The following NCAPG2 variants were observed in gnomAD, a reference collection of about 807,000 sequenced individuals.
The protein encoded by NCAPG2 is condensin-2 complex subunit G2.
Under a neutral mutation model 141.1 loss-of-function variants are expected in NCAPG2, and 53 were observed. That is an observed-to-expected ratio of 0.38 (90% CI 0.30 to 0.47). NCAPG2 has a LOEUF of 0.47. Ranked by LOEUF, NCAPG2 falls within the 20% of genes least tolerant of loss-of-function variation. NCAPG2 has a pLI of 0.99. For synonymous variants in NCAPG2, 499 were observed against 490.7 expected (o/e 1.02, Z -0.22); for missense variants, 1,087 against 1,389.0 (o/e 0.78, Z 3.46).
At chr7:158,641,024 G>C (rs999607249) in intron 27 of NCAPG2, 1 of 151,936 alleles carries the variant, frequency 6.6e-6, no homozygotes, top group African/African-American at 2.4e-5. Context: ...GAAAGCAAAC[G>C]TGGATTAGTT....
chr7:158,654,559 T>G, intron 22 of NCAPG2, 36 bp downstream of exon 22: 2 of 1,595,914 alleles, frequency 1.3e-6, no homozygotes, highest in Non-Finnish European at 1.7e-6. Context: ...GGACTGGTTC[T>G]GAGTATTTAT....
chr7:158,665,123 A>G (rs1038895865), intron 13 of NCAPG2: 2 of 187,566 alleles, frequency 1.1e-5, no homozygotes, highest in Non-Finnish European at 2.2e-5. Flanking sequence ...GAGTAAAAAT[A>G]TATACAACGT....
chr7:158,639,821 T>C, intron 27 of NCAPG2: 1 of 970,154 alleles, frequency 1.0e-6, no homozygotes, highest in Non-Finnish European at 1.2e-6. Context: ...AACCATTTAA[T>C]CTTATTTCAA....
intron 9 of NCAPG2, 31 bp downstream of exon 9, chr7:158,683,269 T>G (rs775578786): frequency 1.4e-6 from 2 of 1,431,396 alleles, no homozygotes; most frequent in African/African-American, 1.5e-5. Flanking sequence ...GAGGAAACAT[T>G]ATTTCAAAAA....
At chr7:158,664,400 A>T in intron 14 of NCAPG2, 104 bp from the exon 15 acceptor site, 1 of 1,501,292 alleles carries the variant, frequency 6.7e-7, no homozygotes, top group Non-Finnish European at 9.2e-7. Flanking sequence ...GTACTATTTT[A>T]AGGGAAATCA....
At chr7:158,666,160 G>C (rs556617866) in intron 13 of NCAPG2, among the ~76,000 whole-genome samples, 2 of 152,314 alleles carry the variant, frequency 1.3e-5, no homozygotes, top group African/African-American at 4.8e-5. Context: ...AAGGGTGAGA[G>C]GCTGTGCTGT....
intron 2 of NCAPG2, among the ~76,000 whole-genome samples, chr7:158,699,030 T>C (rs780119553): frequency 3.3e-5 from 5 of 152,122 alleles, no homozygotes; most frequent in Non-Finnish European, 7.4e-5. Flanking sequence ...ACGATCCTCC[T>C]GCCTCAGCCT....
In NCAPG2 at chr7:158,656,269, T is replaced by G. The variant is rs1297500865; in HGVS notation, c.2379A>C (p.Glu793Asp). 1 of 1,613,950 alleles carries G rather than the reference T, an allele frequency of 6.2e-7. No homozygotes were observed. Among genetic ancestry groups the G allele is most frequent in the Non-Finnish European group, 8.5e-7 (1 of 1,179,990 alleles). Residue 793 changes from glutamate to aspartate, a missense_variant, in exon 19 of 28, where the codon GAA becomes GAC. Glu to Asp is a conservative substitution (Grantham distance 45). Transcript: ENST00000356309. ...CAGGGCACAGAGTTACCTTTGACGT[T>G]TCAAGGGCTTTCAAAAGATGGTTAA... The part of the protein sequence containing the change: ...KKLNHLLKAL[E>D]TSKADLESLL...
At chr7:158,698,920 G>A (rs544320904) in intron 2 of NCAPG2, among the ~76,000 whole-genome samples, 2 of 151,914 alleles carry the variant, frequency 1.3e-5, no homozygotes, top group East Asian at 3.9e-4. Context: ...CAAGTAGTTG[G>A]GACCACAGGC....
intron 6 of NCAPG2, among the ~76,000 whole-genome samples, chr7:158,688,208 T>C (rs1834896927): frequency 1.3e-5 from 2 of 151,694 alleles, no homozygotes; most frequent in African/African-American, 2.4e-5. Context: ...TCACTGGAAG[T>C]AATCTGTTAG....
chr7:158,666,453 G>C (rs527591565), intron 13 of NCAPG2, among the ~76,000 whole-genome samples: 2 of 151,992 alleles, frequency 1.3e-5, no homozygotes, highest in African/African-American at 4.8e-5. Flanking sequence ...ACTATTTACT[G>C]TATTTTTGAA....
intron 12 of NCAPG2, among the ~76,000 whole-genome samples, chr7:158,674,287 AATTTTTTT>A (rs1305733060): frequency 3.7e-5 from 5 of 136,728 alleles, no homozygotes; most frequent in African/African-American, 1.1e-4. Flanking sequence ...GAAAAAAAAA[AATTTTTTT>A]TTTTTTTTTG....
intron 24 of NCAPG2, among the ~76,000 whole-genome samples, chr7:158,650,202 T>C (rs748970186): frequency 1.4e-4 from 21 of 152,130 alleles, no homozygotes; most frequent in African/African-American, 1.4e-4. Flanking sequence ...CGTGCCACCA[T>C]GCCCAGCTAA....
intron 2 of NCAPG2, among the ~76,000 whole-genome samples, chr7:158,697,833 A>C (rs1290873858): frequency 2.6e-5 from 4 of 152,164 alleles, no homozygotes; most frequent in African/African-American, 7.2e-5. Context: ...TAGCAAACTA[A>C]CACAGGAACA....
chr7:158,689,513 G>T lies in NCAPG2; in HGVS notation c.672+306C>A, dbSNP rs529863463. Among the ~76,000 whole-genome samples the T allele has an allele frequency of 2.6e-5, 4 of 152,300 alleles. 1 individual carries two copies. Among genetic ancestry groups the T allele is most frequent in the South Asian group, 4.1e-4 (2 of 4,824 alleles). On this transcript the variant is annotated intron_variant, in intron 6 of 27. Coordinates refer to ENST00000356309, the MANE Select transcript of NCAPG2 (RefSeq NM_017760.7). ...AATTAAAATGGAATTAGGGCAGAAG[G>T]CCAGATCTCATTCATAGAGAAGTGC... is the stretch of plus-strand genomic sequence containing the variant.
rs540436168 is a variant in NCAPG2 at position 158,633,692 on chromosome 7, C to A, written c.3381-1975G>T. ...GCAACTGCCTGGCTCAGCAGCAGTG[C>A]AGCCAGAGGCAAGACAGAGGAGAAC... On this transcript the variant is annotated intron_variant, in intron 27 of 27. Coordinates refer to ENST00000356309, the MANE Select transcript of NCAPG2 (RefSeq NM_017760.7). The surrounding 1 kb of genome is among the most constrained non-coding windows in gnomAD (Gnocchi z 4.1). Among the ~76,000 whole-genome samples the A allele has an allele frequency of 3.9e-5, 6 of 152,346 alleles. No homozygotes were observed. The East Asian group carries it at 1.2e-3, about 29-fold the overall frequency.
At chr7:158,668,584 G>T in intron 13 of NCAPG2, 1 of 262,138 alleles carries the variant, frequency 3.8e-6, no homozygotes, top group Non-Finnish European at 5.9e-6. Context: ...AAACAAGATC[G>T]GACATAGCAA....
At chr7:158,680,965 CA>C in intron 9 of NCAPG2, 149 bp from the exon 10 acceptor site, 1 of 555,712 alleles carries the variant, frequency 1.8e-6, no homozygotes, top group East Asian at 2.9e-5. Flanking sequence ...AATTCTTCAG[CA>C]GGAGTAACTT....
chr7:158,668,546 G>A, intron 13 of NCAPG2: 1 of 619,464 alleles, frequency 1.6e-6, no homozygotes, highest in Non-Finnish European at 2.0e-6. Context: ...AAATAGTCCG[G>A]CAGTGTGGCC....
Sources: gnomAD v4.1 joint callset for allele counts (sites outside exome capture counted in the v4.1 genomes callset) on GRCh38, gnomAD v4.1.1 for gene constraint, Gnocchi (gnomAD v3.1) non-coding constraint, MANE v1.5 for transcripts, NCBI Gene and HGNC (gene_info 2026-07-23, HGNC 2026-07-21) for gene names.